The following ZSCAN25 variants were observed in gnomAD, a reference collection of about 807,000 sequenced individuals.
The protein encoded by ZSCAN25 is zinc finger and SCAN domain-containing protein 25.
A neutral mutation model predicts 38.7 loss-of-function variants in ZSCAN25; 27 were observed. The observed-to-expected ratio is 0.70, with a 90% confidence interval of 0.51 to 0.96. The LOEUF is 0.96. Ranked by LOEUF, ZSCAN25 falls within the 40% of genes least tolerant of loss-of-function variation. The pLI is 0.00. For missense variants in ZSCAN25, 637 were observed against 705.9 expected (o/e 0.90, Z 1.11); for synonymous variants, 273 against 277.7 (o/e 0.98, Z 0.17).
chr7:99,714,617 T>C, the ZSCAN25 span: 198 of 1,613,350 alleles, frequency 1.2e-4, no homozygotes, highest in African/African-American at 2.1e-3. Context: ...AGAAAACTTA[T>C]AACTTTTCTT....
the ZSCAN25 span, among the ~76,000 whole-genome samples, chr7:99,686,942 T>A: frequency 3.3e-5 from 5 of 152,120 alleles, no homozygotes; most frequent in African/African-American, 4.8e-5. Flanking sequence ...TCTAGCAAAC[T>A]CCAACAGACC....
the ZSCAN25 span, chr7:99,710,748 G>C: frequency 2.5e-6 from 4 of 1,613,828 alleles, no homozygotes; most frequent in Non-Finnish European, 1.7e-6. Context: ...GGGTAAAACT[G>C]TATCAATTTC....
chr7:99,624,900 C>T (rs1228171878), intron 7 of ZSCAN25, among the ~76,000 whole-genome samples: 2 of 152,178 alleles, frequency 1.3e-5, no homozygotes, highest in African/African-American at 2.4e-5. Flanking sequence ...AATCAGGATG[C>T]CGGCGGGGAG....
At chr7:99,660,694 G>A in the ZSCAN25 span, 483 of 1,610,248 alleles carry the variant, frequency 3.0e-4, 2 homozygotes, top group African/African-American at 5.9e-3. Context: ...AGGTAAATCA[G>A]GTCAACGTAC....
At chr7:99,680,076 G>C in the ZSCAN25 span, 1 of 610,676 alleles carries the variant, frequency 1.6e-6, no homozygotes, top group Non-Finnish European at 2.9e-6. Context: ...GCAAAGAATC[G>C]CACACACCCC....
the ZSCAN25 span, among the ~76,000 whole-genome samples, chr7:99,637,804 A>T: frequency 6.6e-6 from 1 of 152,246 alleles, no homozygotes; most frequent in Non-Finnish European, 1.5e-5. Flanking sequence ...AGTTTACTAG[A>T]TGAAACAGAC....
the ZSCAN25 span, among the ~76,000 whole-genome samples, chr7:99,700,402 T>C: frequency 1.3e-5 from 2 of 152,094 alleles, no homozygotes; most frequent in East Asian, 1.9e-4. Flanking sequence ...CATTCCAGAA[T>C]ACTTGAAATC....
the ZSCAN25 span, chr7:99,700,009 A>G: frequency 2.1e-5 from 34 of 1,611,834 alleles, no homozygotes; most frequent in East Asian, 4.5e-5. Flanking sequence ...CCAGGTTTCC[A>G]CCGCCAAATT....
the ZSCAN25 span, among the ~76,000 whole-genome samples, chr7:99,709,477 T>C: frequency 1.5e-3 from 221 of 152,250 alleles, 1 homozygote; most frequent in Middle Eastern, 3.4e-3. Context: ...CAGGAGACAT[T>C]CGGGAAGGCT....
chr7:99,663,481 C>G, the ZSCAN25 span: 1 of 990,990 alleles, frequency 1.0e-6, no homozygotes, highest in African/African-American at 1.7e-5. Flanking sequence ...CAGAGAAGAC[C>G]CCTGTTCACT....
chr7:99,631,823 T>C lies in ZSCAN25; in HGVS notation c.*1803T>C. The C allele has an allele frequency of 4.1e-6, 4 of 985,426 alleles. No individual in the cohort carries two copies. The highest frequency in any genetic ancestry group is 4.8e-6 in the Non-Finnish European group (4 of 829,956). 61.0% of individuals were successfully genotyped at this position (985,426 alleles called of 1,614,324 possible). Reference sequence around the variant, plus strand: ...GAGGCTGCACTGACTGGGTCGTAAATGTATCTGAGATGTCCACACGGGGCT... The same window carrying C: ...GAGGCTGCACTGACTGGGTCGTAAACGTATCTGAGATGTCCACACGGGGCT... On this transcript the variant is annotated 3_prime_UTR_variant, in exon 8 of 8. Coordinates refer to ENST00000394152, the MANE Select transcript of ZSCAN25 (RefSeq NM_145115.3).
chr7:99,692,960 C>T, the ZSCAN25 span, among the ~76,000 whole-genome samples: 10 of 152,278 alleles, frequency 6.6e-5, no homozygotes, highest in South Asian at 2.1e-4. Flanking sequence ...TGTGATCTTT[C>T]GGAGGAGAAG....
At chr7:99,730,695 A>G in the ZSCAN25 span, 6 of 242,220 alleles carry the variant, frequency 2.5e-5, no homozygotes, top group Non-Finnish European at 3.2e-5. Context: ...ACAAGCCACA[A>G]TCAGGGGCTC....
downstream of ZSCAN25, among the ~76,000 whole-genome samples, chr7:99,636,390 C>T (rs574175498): frequency 1.3e-5 from 2 of 152,276 alleles, no homozygotes; most frequent in East Asian, 3.9e-4. Context: ...TGAGAATAAC[C>T]TTTTGCATCT....
At chr7:99,660,430 G>T in the ZSCAN25 span, 3 of 1,511,312 alleles carry the variant, frequency 2.0e-6, no homozygotes, top group South Asian at 4.0e-5. Flanking sequence ...ATTCTCCTGG[G>T]GAGTGGTGAG....
intron 1 of ZSCAN25, among the ~76,000 whole-genome samples, chr7:99,617,646 G>C (rs1806584778): frequency 6.6e-6 from 1 of 152,206 alleles, no homozygotes; most frequent in East Asian, 1.9e-4. Context: ...TCGGGAGGCT[G>C]AGGTGGGAGG....
At chr7:99,637,507 G>A in the ZSCAN25 span, among the ~76,000 whole-genome samples, 3 of 152,152 alleles carry the variant, frequency 2.0e-5, no homozygotes, top group South Asian at 2.1e-4. Context: ...AGTTAGCTAC[G>A]TTATGGGGAA....
chr7:99,617,284 G>A (rs1806549775), intron 1 of ZSCAN25, among the ~76,000 whole-genome samples: 1 of 152,234 alleles, frequency 6.6e-6, no homozygotes, highest in African/African-American at 2.4e-5. Context: ...TTGGCTTAGT[G>A]CAGGGCTGGC....
the ZSCAN25 span, among the ~76,000 whole-genome samples, chr7:99,649,430 C>A: frequency 6.6e-6 from 1 of 152,182 alleles, no homozygotes; most frequent in Non-Finnish European, 1.5e-5. Flanking sequence ...GATTCTAAAT[C>A]TTTCTTTAAA....
Sources: gnomAD v4.1 joint callset for allele counts (sites outside exome capture counted in the v4.1 genomes callset) on GRCh38, gnomAD v4.1.1 for gene constraint, MANE v1.5 for transcripts, NCBI Gene and HGNC (gene_info 2026-07-23, HGNC 2026-07-21) for gene names.